CHRM3: variants seen among roughly 807,000 people sequenced by gnomAD.
CHRM3 encodes the protein muscarinic acetylcholine receptor M3.
A neutral mutation model predicts 41.8 loss-of-function variants in CHRM3; 11 were observed. The ratio of observed to expected loss-of-function variants is 0.26; its 90% CI spans 0.17 to 0.44. The LOEUF (loss-of-function observed/expected upper bound fraction) is 0.44. Among genes scored for constraint, CHRM3 ranks in the 20% least tolerant of loss-of-function variants. CHRM3 has a pLI of 1.00. For synonymous variants in CHRM3, 297 were observed against 301.4 expected (o/e 0.99, Z 0.15); for missense variants, 571 against 745.4 (o/e 0.77, Z 2.72).
chr1:239,907,623 G>C lies in CHRM3; in HGVS notation c.172G>C (p.Asp58His). Reference protein sequence around the residue: ...NFSSPDGTTDDPLGGHTVWQV... With the variant: ...NFSSPDGTTDHPLGGHTVWQV... ...CTCCTCTCCAGACGGTACCACCGAT[G>C]ACCCTCTGGGAGGTCATACCGTCTG... The change falls in exon 7 of 7, where the codon GAC (aspartate) becomes CAC (histidine). Residue 58 changes from aspartate (D) to histidine (H), a missense_variant. Asp to His is a moderately conservative substitution (Grantham distance 81). This residue lies in a region of CHRM3 where 92 missense variants were observed against 76.1 expected (regional missense o/e 1.21). Transcript: ENST00000676153. This position sits in a 1 kb window ranked among gnomAD's most constrained non-coding sequence, Gnocchi z 5.4. 8 of 1,614,160 alleles carry C rather than the reference G, an allele frequency of 5.0e-6. No homozygotes were observed. The highest frequency in any genetic ancestry group is 5.9e-6 in the Non-Finnish European group (7 of 1,180,032).
rs181085384 is a variant in CHRM3 at position 239,514,418 on chromosome 1, A to G, written c.-422+21611A>G. Among the ~76,000 whole-genome samples, 32 of 151,590 alleles carry G rather than the reference A, an allele frequency of 2.1e-4. No individual in the cohort carries two copies. In the East Asian group the frequency reaches 5.5e-3, roughly 26 times the overall value. ...TAAATGGTATTGTGTTTTAAATTTTAATTTTTCCTTGTTCATTGCTGGTTT... is the reference window on the plus strand; with the variant it reads ...TAAATGGTATTGTGTTTTAAATTTTGATTTTTCCTTGTTCATTGCTGGTTT... On this transcript the variant is annotated intron_variant, in intron 2 of 6. Transcript: ENST00000676153.
chr1:239,721,156 T>A lies in CHRM3; in HGVS notation c.-147+42868T>A, dbSNP rs12087840. 3.7e-3 allele frequency among the ~76,000 whole-genome samples: 558 copies of A among 151,958 alleles called. 5 individuals are homozygous for A. The highest frequency in any genetic ancestry group is 0.013 in the African/African-American group (541 of 41,530). Reference sequence around the variant, plus strand: ...ATAATGATTCCTAATTCTCAAAAAATCCAATGGGTTTTAGTTTCTAAAAGT... The same window carrying A: ...ATAATGATTCCTAATTCTCAAAAAAACCAATGGGTTTTAGTTTCTAAAAGT... On this transcript the variant is annotated intron_variant, in intron 5 of 6. Transcript: ENST00000676153.
chr1:239,895,641 T>C lies in CHRM3; in HGVS notation c.-19-11792T>C, dbSNP rs1347071988. Among the ~76,000 whole-genome samples the C allele has an allele frequency of 2.6e-5, 4 of 152,124 alleles. No homozygotes were observed. The East Asian group carries it at 7.7e-4, about 29-fold the overall frequency. On this transcript the variant is annotated intron_variant, in intron 6 of 6. Transcript: ENST00000676153. Reference sequence around the variant, plus strand: ...TACACTGTGGAATACTATGCAGCCATAAAAAATGAGATCATGTCCTTTGCA... The same window carrying C: ...TACACTGTGGAATACTATGCAGCCACAAAAAATGAGATCATGTCCTTTGCA...
chr1:239,442,359 A>C (rs9970229), intron 1 of CHRM3, among the ~76,000 whole-genome samples: 2 of 152,048 alleles, frequency 1.3e-5, no homozygotes, highest in Non-Finnish European at 2.9e-5. Flanking sequence ...CACCCGTCTC[A>C]GCCTCCCAAA....
intron 6 of CHRM3, among the ~76,000 whole-genome samples, chr1:239,871,267 G>C (rs1676558070): frequency 6.6e-6 from 1 of 152,144 alleles, no homozygotes; most frequent in African/African-American, 2.4e-5. Flanking sequence ...TTTTGAGATG[G>C]AGTCTCGCTC....
chr1:239,757,072 C>A (rs1361804766), intron 5 of CHRM3, among the ~76,000 whole-genome samples: 2 of 152,086 alleles, frequency 1.3e-5, no homozygotes, highest in African/African-American at 4.8e-5. Context: ...ATAAAATTAC[C>A]ATTTTTCTCT....
At chr1:239,904,787 A>G (rs940300904) in intron 6 of CHRM3, among the ~76,000 whole-genome samples, 49 of 152,228 alleles carry the variant, frequency 3.2e-4, no homozygotes, top group African/African-American at 1.0e-3. Context: ...GATTATACAG[A>G]ATATTTTGTG....
chr1:239,779,379 T>A (rs1668342759), intron 5 of CHRM3, among the ~76,000 whole-genome samples: 1 of 152,130 alleles, frequency 6.6e-6, no homozygotes. Context: ...ATTCTATGGG[T>A]TCAGACAAGT....
chr1:239,397,090 G>T (rs1313951104), intron 1 of CHRM3, among the ~76,000 whole-genome samples: 1 of 152,192 alleles, frequency 6.6e-6, no homozygotes, highest in Non-Finnish European at 1.5e-5. Flanking sequence ...TACCCCGGAA[G>T]TTCCAAGCTA....
chr1:239,864,519 TACACACAC>T lies in CHRM3; in HGVS notation c.-20+37160_-20+37167del, dbSNP rs199613762. On this transcript the variant is annotated intron_variant, in intron 6 of 6. Transcript: ENST00000676153. ...CGAAACTCCGTCTCAAAACAGAAAATACACACACACACACACACACACACACGCACACA... is the reference window on the plus strand; with the variant it reads ...CGAAACTCCGTCTCAAAACAGAAAATACACACACACACACACACGCACACA... Among the ~76,000 whole-genome samples the T allele has an allele frequency of 6.1e-5, 9 of 148,126 alleles. No homozygotes were observed. The East Asian group carries it at 8.0e-4, about 13-fold the overall frequency.
chr1:239,518,255 A>G (rs982171027), intron 2 of CHRM3, among the ~76,000 whole-genome samples: 4 of 152,252 alleles, frequency 2.6e-5, no homozygotes, highest in African/African-American at 9.6e-5. Context: ...CTCATTAAAT[A>G]TATGCAGGAG....
At chr1:239,486,057 G>C (rs573171032) in intron 1 of CHRM3, among the ~76,000 whole-genome samples, 3 of 152,254 alleles carry the variant, frequency 2.0e-5, no homozygotes, top group African/African-American at 4.8e-5. Flanking sequence ...GAGAAATTTG[G>C]TGTGCTCACT....
At chr1:239,662,105 A>G (rs914578539) in intron 4 of CHRM3, among the ~76,000 whole-genome samples, 7 of 144,832 alleles carry the variant, frequency 4.8e-5, no homozygotes, top group African/African-American at 1.0e-4. Flanking sequence ...TCAGTTTTAG[A>G]TGTGTGTGTG....
intron 1 of CHRM3, among the ~76,000 whole-genome samples, chr1:239,409,436 A>G (rs1295308393): frequency 6.6e-6 from 1 of 152,208 alleles, no homozygotes; most frequent in African/African-American, 2.4e-5. Context: ...TCCTTGTTGC[A>G]CCTGCAAGTT....
chr1:239,618,611 A>G (rs112861942), intron 3 of CHRM3, among the ~76,000 whole-genome samples: 5,129 of 151,618 alleles, frequency 0.034, 228 homozygotes, highest in African/African-American at 0.1. Context: ...TTGGGAGGCC[A>G]AGGCGGTCGG....
intron 5 of CHRM3, among the ~76,000 whole-genome samples, chr1:239,771,687 C>T (rs1667688740): frequency 1.3e-5 from 2 of 152,188 alleles, no homozygotes; most frequent in Admixed American, 1.3e-4. Context: ...GCCATGCAGC[C>T]TCTGTCATAA....
intron 5 of CHRM3, chr1:239,703,086 G>T (rs1036385176): frequency 6.6e-6 from 1 of 152,070 alleles, no homozygotes; most frequent in Admixed American, 6.6e-5. Flanking sequence ...TATGGCAGTG[G>T]GCTTGATGTT....
chr1:239,897,898 T>C (rs537959783), intron 6 of CHRM3: 9 of 152,276 alleles, frequency 5.9e-5, no homozygotes, highest in South Asian at 4.1e-4. Context: ...CAAATCCTTT[T>C]CCAAGCACCC....
At chr1:239,505,382 G>A (rs538899744) in intron 2 of CHRM3, among the ~76,000 whole-genome samples, 1 of 152,220 alleles carries the variant, frequency 6.6e-6, no homozygotes, top group East Asian at 1.9e-4. Context: ...CCTGGCAGGA[G>A]GTAATTGAAT....
Sources: gnomAD v4.1 joint callset for allele counts (sites outside exome capture counted in the v4.1 genomes callset) on GRCh38, gnomAD v4.1.1 for gene constraint, gnomAD v4.1.1 regional missense constraint, Gnocchi (gnomAD v3.1) non-coding constraint, MANE v1.5 for transcripts, NCBI Gene and HGNC (gene_info 2026-07-23, HGNC 2026-07-21) for gene names.